The following RASSF3 variants were observed in gnomAD, a reference collection of about 807,000 sequenced individuals.
RASSF3 encodes ras association domain-containing protein 3.
RASSF3 carries 19 observed loss-of-function variants against 19.9 expected under a neutral mutation model. The ratio of observed to expected loss-of-function variants is 0.96; its 90% CI spans 0.67 to 1.40. The LOEUF (loss-of-function observed/expected upper bound fraction) is 1.40, where lower values mean the gene tolerates loss of function less well. RASSF3 is among the 40% of genes most tolerant of loss of function. RASSF3 has a pLI of 0.00. For missense variants in RASSF3, 306 were observed against 289.8 expected (o/e 1.06, Z -0.41); for synonymous variants, 110 against 104.2 (o/e 1.06, Z -0.34).
upstream of RASSF3, among the ~76,000 whole-genome samples, chr12:64,609,075 C>T (rs1159471109): frequency 6.6e-6 from 1 of 152,116 alleles, no homozygotes; most frequent in Non-Finnish European, 1.5e-5. Context: ...GGTTTGCAAG[C>T]CTTCTTTCAG....
At chr12:64,553,051 A>G (rs1869192841) in intron 2 of RASSF3, among the ~76,000 whole-genome samples, 1 of 152,222 alleles carries the variant, frequency 6.6e-6, no homozygotes, top group South Asian at 2.1e-4. Flanking sequence ...TCCACTAAAA[A>G]TACAAAAATT....
At chr12:64,541,024 G>C (rs1868925283) in intron 1 of RASSF3, among the ~76,000 whole-genome samples, 1 of 149,330 alleles carries the variant, frequency 6.7e-6, no homozygotes, top group Non-Finnish European at 1.5e-5. Flanking sequence ...CAGTGTGGTG[G>C]CTCATGCCTG....
At chr12:64,684,038 T>TGTGTGTGTGTGTG (rs1873241642) in intron 1 of RASSF3, among the ~76,000 whole-genome samples, 1 of 108,270 alleles carries the variant, frequency 9.2e-6, no homozygotes, top group African/African-American at 4.0e-5. Flanking sequence ...GTGTGTGTGT[T>TGTGTGTGTGTGTG]TCAAGGTAAC....
chr12:64,510,615 ACT>A (rs2136097501), intron 1 of RASSF3, among the ~76,000 whole-genome samples: 1 of 152,226 alleles, frequency 6.6e-6, no homozygotes, highest in East Asian at 1.9e-4. Context: ...AATTTAGCTG[ACT>A]CTCCTGCAGC....
chr12:64,577,367 G>A (rs1628543), intron 2 of RASSF3, among the ~76,000 whole-genome samples: 69,193 of 152,002 alleles, frequency 0.46, 17,148 homozygotes, highest in Non-Finnish European at 0.56. Flanking sequence ...TTAATGAGGT[G>A]CATTTACAGC....
chr12:64,691,442 G>A, intron 3 of RASSF3, 28 bp from the exon 4 acceptor site: 2 of 1,470,884 alleles, frequency 1.4e-6, no homozygotes, highest in Non-Finnish European at 9.5e-7. Context: ...TGAATACTCT[G>A]TAACATGCTG....
chr12:64,606,680 C>T (rs1039435176), upstream of RASSF3, among the ~76,000 whole-genome samples: 24 of 152,020 alleles, frequency 1.6e-4, no homozygotes, highest in East Asian at 7.8e-4. Flanking sequence ...CCGGGTGAGG[C>T]GGTGCGTGCC....
intron 2 of RASSF3, among the ~76,000 whole-genome samples, chr12:64,596,859 A>G (rs895203780): frequency 1.1e-4 from 17 of 152,074 alleles, no homozygotes; most frequent in Admixed American, 6.6e-4. Context: ...CCTCCCAAGT[A>G]GCTGGGATTA....
chr12:64,528,338 G>T (rs1020256980), upstream of RASSF3, among the ~76,000 whole-genome samples: 6 of 152,114 alleles, frequency 3.9e-5, no homozygotes, highest in Non-Finnish European at 8.8e-5. Flanking sequence ...TTGATTTTAG[G>T]TACCACCAGA....
At chr12:64,577,343 C>T (rs999312476) in intron 2 of RASSF3, among the ~76,000 whole-genome samples, 7 of 152,166 alleles carry the variant, frequency 4.6e-5, no homozygotes, top group Admixed American at 2.0e-4. Context: ...TTTAGCGCTA[C>T]AATGTTTTAA....
At chr12:64,547,270 T>TA (rs79967837) in intron 2 of RASSF3, among the ~76,000 whole-genome samples, 1,699 of 127,468 alleles carry the variant, frequency 0.013, 45 homozygotes, top group African/African-American at 0.041. Flanking sequence ...AGACTTGATC[T>TA]AAAAAAAAAA....
At chr12:64,684,439 T>G (rs545588154) in intron 1 of RASSF3, among the ~76,000 whole-genome samples, 138 of 148,402 alleles carry the variant, frequency 9.3e-4, no homozygotes, top group African/African-American at 1.5e-3. Context: ...TTGTTTGTTT[T>G]TTTTTTTTGA....
At chr12:64,640,392 A>G (rs73321706) in intron 1 of RASSF3, among the ~76,000 whole-genome samples, 8,564 of 152,280 alleles carry the variant, frequency 0.056, 810 homozygotes, top group African/African-American at 0.19. Context: ...TATGTTGTAC[A>G]CAGATCTCGA....
chr12:64,643,650 A>AATGATCT (rs1392366237), intron 1 of RASSF3, among the ~76,000 whole-genome samples: 4 of 151,994 alleles, frequency 2.6e-5, no homozygotes, highest in Non-Finnish European at 5.9e-5. Context: ...AAAAAACCGG[A>AATGATCT]ATGATCTACT....
At chr12:64,509,857 C>T (rs1868317065) in intron 1 of RASSF3, among the ~76,000 whole-genome samples, 3 of 151,946 alleles carry the variant, frequency 2.0e-5, no homozygotes, top group South Asian at 2.1e-4. Flanking sequence ...GAGGCCAAGG[C>T]GGGCGGATCG....
chr12:64,620,180 G>C (rs1407709205), intron 1 of RASSF3, among the ~76,000 whole-genome samples: 1 of 152,154 alleles, frequency 6.6e-6, no homozygotes, highest in East Asian at 1.9e-4. Flanking sequence ...CTAGATAAGT[G>C]AATTTGTGTA....
intron 1 of RASSF3, among the ~76,000 whole-genome samples, chr12:64,675,533 A>G (rs905066493): frequency 6.6e-6 from 1 of 152,146 alleles, no homozygotes; most frequent in African/African-American, 2.4e-5. Context: ...AGGAGGAGGA[A>G]GAACAGGAGG....
intron 2 of RASSF3, among the ~76,000 whole-genome samples, chr12:64,551,941 T>C (rs563841949): frequency 5.3e-5 from 8 of 152,292 alleles, no homozygotes; most frequent in South Asian, 4.1e-4. Flanking sequence ...TTACGAGATG[T>C]GCACAGCAAC....
intron 1 of RASSF3, among the ~76,000 whole-genome samples, chr12:64,660,001 T>C (rs910331712): frequency 2.4e-5 from 3 of 124,140 alleles, no homozygotes; most frequent in Non-Finnish European, 4.9e-5. Context: ...TGTATATGTG[T>C]GCGTGTATAT....
Sources: allele counts gnomAD v4.1 joint callset (sites outside exome capture counted in the v4.1 genomes callset), GRCh38; gene constraint gnomAD v4.1.1; transcripts MANE v1.5; gene names NCBI Gene and HGNC (gene_info 2026-07-23, HGNC 2026-07-21).